Variants in RUNX1 observed in about 807,000 individuals in gnomAD.
The protein encoded by RUNX1 is RUNX family transcription factor 1.
Under a neutral mutation model 42.8 loss-of-function variants are expected in RUNX1, and 19 were observed. The observed-to-expected ratio is 0.44, with a 90% CI of 0.31 to 0.65. The LOEUF is 0.65. RUNX1 is among the 30% of genes least tolerant of loss of function. The probability of loss-of-function intolerance (pLI) is 0.07; values close to 1 mark genes in which losing one functional copy is unlikely to be tolerated. For synonymous variants in RUNX1, 271 were observed against 289.4 expected (o/e 0.94, Z 0.64); for missense variants, 528 against 672.0 (o/e 0.79, Z 2.37).
At chr21:34,999,217 G>A (rs1672424034) in intron 2 of RUNX1, among the ~76,000 whole-genome samples, 1 of 152,224 alleles carries the variant, frequency 6.6e-6, no homozygotes, top group African/African-American at 2.4e-5. Context: ...AGAGGTTCCT[G>A]AAATGAAATG....
chr21:35,003,519 C>CT (rs58218340), intron 2 of RUNX1, among the ~76,000 whole-genome samples: 329 of 141,776 alleles, frequency 2.3e-3, no homozygotes, highest in East Asian at 9.9e-3. Flanking sequence ...GAAAAGCTGT[C>CT]TTTTTTTTTT....
chr21:34,818,639 C>T (rs1008445644), intron 7 of RUNX1, among the ~76,000 whole-genome samples: 5 of 152,214 alleles, frequency 3.3e-5, no homozygotes, highest in African/African-American at 9.6e-5. Flanking sequence ...TGCACCAGCC[C>T]TCCAGTAATA....
At chr21:34,839,669 G>A (rs1281776439) in intron 6 of RUNX1, among the ~76,000 whole-genome samples, 1 of 152,164 alleles carries the variant, frequency 6.6e-6, no homozygotes, top group Non-Finnish European at 1.5e-5. Context: ...GGAATTACCT[G>A]GGCATTCTAG....
chr21:34,898,237 G>C (rs996211495), intron 2 of RUNX1, among the ~76,000 whole-genome samples: 7 of 152,134 alleles, frequency 4.6e-5, no homozygotes, highest in Non-Finnish European at 1.0e-4. Context: ...CTGGATTTTT[G>C]GCCTTATGAA....
intron 7 of RUNX1, among the ~76,000 whole-genome samples, chr21:34,809,342 G>T (rs1016841696): frequency 3.3e-5 from 5 of 152,042 alleles, no homozygotes; most frequent in Non-Finnish European, 5.9e-5. Flanking sequence ...GAAATATTGT[G>T]TTGAGGGCTG....
At chr21:34,794,165 A>G (rs1357538932) in intron 8 of RUNX1, among the ~76,000 whole-genome samples, 1 of 152,112 alleles carries the variant, frequency 6.6e-6, no homozygotes, top group Non-Finnish European at 1.5e-5. Context: ...TACTACTAAC[A>G]CAATATGTTA....
chr21:34,904,268 T>C (rs897976084), intron 2 of RUNX1, among the ~76,000 whole-genome samples: 2 of 152,188 alleles, frequency 1.3e-5, no homozygotes, highest in Admixed American at 6.5e-5. Flanking sequence ...TGTAGAGTTA[T>C]CTTTTTGAAA....
chr21:35,033,580 T>C (rs2059287804), intron 2 of RUNX1, among the ~76,000 whole-genome samples: 1 of 152,190 alleles, frequency 6.6e-6, no homozygotes. Flanking sequence ...AACAGCCCTG[T>C]CAGGTGCCTT....
chr21:34,832,294 C>A (rs2057074785), intron 7 of RUNX1, among the ~76,000 whole-genome samples: 1 of 152,114 alleles, frequency 6.6e-6, no homozygotes, highest in Admixed American at 6.5e-5. Flanking sequence ...CAACTTCCCC[C>A]CATTTTTTTG....
intron 7 of RUNX1, among the ~76,000 whole-genome samples, chr21:34,814,520 T>C (rs981368746): frequency 6.6e-6 from 1 of 152,204 alleles, no homozygotes; most frequent in African/African-American, 2.4e-5. Flanking sequence ...TGCACTTGTA[T>C]TATTCTGTCT....
intron 7 of RUNX1, among the ~76,000 whole-genome samples, chr21:34,817,092 C>G (rs2056837040): frequency 1.3e-5 from 2 of 152,314 alleles, no homozygotes; most frequent in South Asian, 4.1e-4. Flanking sequence ...GGAACCTATG[C>G]AGTGCAGTCC....
At chr21:34,936,247 T>A (rs916471428) in intron 2 of RUNX1, among the ~76,000 whole-genome samples, 1 of 151,688 alleles carries the variant, frequency 6.6e-6, no homozygotes, top group Admixed American at 6.6e-5. Flanking sequence ...TCATTTGTGA[T>A]AACTACTTAG....
In RUNX1 at chr21:34,843,682, C is replaced by T. The variant is rs191270368; in HGVS notation, c.614-9081G>A. 1.3e-5 allele frequency among the ~76,000 whole-genome samples: 2 copies of T among 152,126 alleles called. No individual in the cohort carries two copies. Among genetic ancestry groups the T allele is most frequent in the Admixed American group, 1.3e-4 (2 of 15,274 alleles). On this transcript the variant is annotated intron_variant, in intron 6 of 8. Coordinates refer to ENST00000675419, the MANE Select transcript of RUNX1 (RefSeq NM_001754.5). The surrounding 1 kb of genome is among the most constrained non-coding windows in gnomAD (Gnocchi z 4.8). ...CACACAGGCCTGCCCCTCCCCAGCCCCCCTGCACCATGCGCCCAAGACTCA... is the reference window on the plus strand; with the variant it reads ...CACACAGGCCTGCCCCTCCCCAGCCTCCCTGCACCATGCGCCCAAGACTCA...
chr21:34,927,966 C>T (rs1165689291), intron 2 of RUNX1, among the ~76,000 whole-genome samples: 1 of 152,070 alleles, frequency 6.6e-6, no homozygotes, highest in Non-Finnish European at 1.5e-5. Context: ...ATTTATCATA[C>T]CAAATTAAAT....
At chr21:34,955,095 G>A (rs2058635215) in intron 2 of RUNX1, among the ~76,000 whole-genome samples, 1 of 151,980 alleles carries the variant, frequency 6.6e-6, no homozygotes. Context: ...TCCTTCCTAG[G>A]GCAGTTTTTT....
At chr21:34,830,959 G>A (rs1294751894) in intron 7 of RUNX1, among the ~76,000 whole-genome samples, 3 of 152,036 alleles carry the variant, frequency 2.0e-5, no homozygotes, top group African/African-American at 4.8e-5. Context: ...AGGAAATTAC[G>A]ACACCTTAAA....
chr21:35,029,298 G>A (rs2059257434), intron 2 of RUNX1, among the ~76,000 whole-genome samples: 1 of 152,210 alleles, frequency 6.6e-6, no homozygotes, highest in Non-Finnish European at 1.5e-5. Context: ...TGGTTTAGTG[G>A]AAAGCAGCCA....
intron 2 of RUNX1, among the ~76,000 whole-genome samples, chr21:34,905,895 A>G (rs184182334): frequency 6.6e-6 from 1 of 152,328 alleles, no homozygotes; most frequent in Non-Finnish European, 1.5e-5. Flanking sequence ...GAAAAAAAGC[A>G]TCCTCTCTTT....
intron 2 of RUNX1, among the ~76,000 whole-genome samples, chr21:34,934,099 G>A (rs910166109): frequency 9.2e-5 from 14 of 152,144 alleles, no homozygotes; most frequent in African/African-American, 2.7e-4. Context: ...CAGCAGATTC[G>A]TACAGCTTTT....
Sources: allele counts gnomAD v4.1 joint callset (sites outside exome capture counted in the v4.1 genomes callset), GRCh38; gene constraint gnomAD v4.1.1; non-coding constraint Gnocchi (gnomAD v3.1); transcripts MANE v1.5; gene names NCBI Gene and HGNC (gene_info 2026-07-23, HGNC 2026-07-21).